The following AKAP19 variants were observed in gnomAD, a reference collection of about 807,000 sequenced individuals.
The protein encoded by AKAP19 is A-kinase anchoring protein 19, also known as small A-kinase anchoring protein.
the AKAP19 span, among the ~76,000 whole-genome samples, chr2:189,890,223 T>C: frequency 4.9e-4 from 74 of 152,322 alleles, no homozygotes; most frequent in Non-Finnish European, 2.5e-4. Flanking sequence ...TTCCATGTAG[T>C]TGTGTGGTTT....
At chr2:189,986,703 C>A in the AKAP19 span, among the ~76,000 whole-genome samples, 3 of 152,240 alleles carry the variant, frequency 2.0e-5, no homozygotes, top group African/African-American at 7.2e-5. Flanking sequence ...CTTAGCTCAT[C>A]TTTTTCTTAT....
chr2:189,992,533 G>A, the AKAP19 span, among the ~76,000 whole-genome samples: 3,570 of 27,502 alleles, frequency 0.13, 143 homozygotes, highest in African/African-American at 0.28. Context: ...ATAAATTTTA[G>A]GATTTTTTTT....
the AKAP19 span, among the ~76,000 whole-genome samples, chr2:189,957,877 T>A: frequency 1.3e-5 from 2 of 152,132 alleles, no homozygotes; most frequent in Admixed American, 6.6e-5. Context: ...TACTGCAACC[T>A]CCGCCTCCCA....
the AKAP19 span, among the ~76,000 whole-genome samples, chr2:189,986,667 C>T: frequency 6.6e-6 from 1 of 152,124 alleles, no homozygotes; most frequent in Non-Finnish European, 1.5e-5. Context: ...CCTTACTTCT[C>T]TGCTTGCAAA....
the AKAP19 span, among the ~76,000 whole-genome samples, chr2:189,952,049 G>A: frequency 6.6e-6 from 1 of 152,036 alleles, no homozygotes; most frequent in South Asian, 2.1e-4. Flanking sequence ...ATATTTCCTG[G>A]TCACTGCCTC....
chr2:190,057,102 T>A, the AKAP19 span: 1 of 723,170 alleles, frequency 1.4e-6, no homozygotes, highest in Non-Finnish European at 2.3e-6. Flanking sequence ...AACCATTGCA[T>A]ATATTCCCCC....
At chr2:189,940,265 C>CAAG in the AKAP19 span, among the ~76,000 whole-genome samples, 7 of 123,920 alleles carry the variant, frequency 5.6e-5, no homozygotes, top group African/African-American at 2.3e-4. Flanking sequence ...GGCGACAGAG[C>CAAG]AAGACTTCAT....
the AKAP19 span, chr2:190,062,800 T>C: frequency 1.8e-6 from 1 of 545,378 alleles, no homozygotes; most frequent in Non-Finnish European, 3.2e-6. Flanking sequence ...GATCTATGAT[T>C]GGCTCTTGCT....
At chr2:189,996,715 G>T in the AKAP19 span, among the ~76,000 whole-genome samples, 1 of 152,112 alleles carries the variant, frequency 6.6e-6, no homozygotes, top group Non-Finnish European at 1.5e-5. Context: ...TTCTCATTTG[G>T]ATAGACTATT....
the AKAP19 span, among the ~76,000 whole-genome samples, chr2:190,157,732 G>A: frequency 0.38 from 57,345 of 151,892 alleles, 12,665 homozygotes; most frequent in East Asian, 0.73. Context: ...TTATAAATTC[G>A]CCTCAAGACT....
At chr2:190,037,912 G>GT in the AKAP19 span, among the ~76,000 whole-genome samples, 15 of 152,164 alleles carry the variant, frequency 9.9e-5, no homozygotes, top group South Asian at 1.9e-3. Context: ...AAAATTTAGG[G>GT]TTTTTTTAAA....
chr2:190,014,145 TC>T, the AKAP19 span, among the ~76,000 whole-genome samples: 1 of 152,224 alleles, frequency 6.6e-6, no homozygotes, highest in Non-Finnish European at 1.5e-5. Context: ...TTTCAAAAAT[TC>T]TTTTTATTTC....
At chr2:190,171,988 A>G in the AKAP19 span, among the ~76,000 whole-genome samples, 1 of 152,216 alleles carries the variant, frequency 6.6e-6, no homozygotes, top group African/African-American at 2.4e-5. Flanking sequence ...TTTACAATTT[A>G]AGAATTTTCA....
chr2:190,153,524 G>A, the AKAP19 span, among the ~76,000 whole-genome samples: 1 of 152,132 alleles, frequency 6.6e-6, no homozygotes, highest in Non-Finnish European at 1.5e-5. Flanking sequence ...AAATGGGCTA[G>A]CCTTAAAGTT....
the AKAP19 span, among the ~76,000 whole-genome samples, chr2:189,979,278 A>T: frequency 6.6e-6 from 1 of 152,220 alleles, no homozygotes; most frequent in East Asian, 1.9e-4. Context: ...TAAAGCCCAC[A>T]CCTACAACCA....
At chr2:189,902,273 T>C in the AKAP19 span, among the ~76,000 whole-genome samples, 1 of 151,968 alleles carries the variant, frequency 6.6e-6, no homozygotes, top group Non-Finnish European at 1.5e-5. Flanking sequence ...TCCTATCTGT[T>C]TTTTTTCCTC....
the AKAP19 span, among the ~76,000 whole-genome samples, chr2:190,006,374 G>A: frequency 1.1e-4 from 17 of 152,348 alleles, no homozygotes; most frequent in Non-Finnish European, 2.1e-4. Context: ...ATGGTTGGGC[G>A]CGGTGGCTCA....
chr2:190,173,968 C>G, the AKAP19 span, among the ~76,000 whole-genome samples: 1 of 152,046 alleles, frequency 6.6e-6, no homozygotes, highest in African/African-American at 2.4e-5. Context: ...CTGCTCTGTC[C>G]TTAGTCACCT....
chr2:190,166,835 G>A, the AKAP19 span, among the ~76,000 whole-genome samples: 3 of 151,520 alleles, frequency 2.0e-5, no homozygotes, highest in East Asian at 1.9e-4. Context: ...TTAAAAGCAG[G>A]AACAAAAATA....
Sources: allele counts gnomAD v4.1 joint callset (sites outside exome capture counted in the v4.1 genomes callset), GRCh38; gene constraint gnomAD v4.1.1; transcripts MANE v1.5; gene names NCBI Gene and HGNC (gene_info 2026-07-23, HGNC 2026-07-21).